RAD50: variants seen among roughly 807,000 people sequenced by gnomAD.
RAD50 encodes RAD50 double strand break repair protein.
Under a neutral mutation model 168.8 loss-of-function variants are expected in RAD50, and 132 were observed. That is an observed-to-expected ratio of 0.78 (90% CI 0.68 to 0.90). The LOEUF is 0.90. Ranked by LOEUF, RAD50 falls within the 40% of genes least tolerant of loss-of-function variation. The probability of loss-of-function intolerance (pLI) is 0.00; values close to 1 mark genes in which losing one functional copy is unlikely to be tolerated. For missense variants in RAD50, 1,347 were observed against 1,534.4 expected, an observed-to-expected ratio of 0.88 and a Z score of 2.04; for synonymous variants, 525 against 497.4, an observed-to-expected ratio of 1.06 and a Z score of -0.74.
chr5:132,623,372 C>T (rs771627089), intron 21 of RAD50, among the ~76,000 whole-genome samples: 32 of 152,168 alleles, frequency 2.1e-4, no homozygotes, highest in South Asian at 8.3e-4. Flanking sequence ...ATGCCAGCTA[C>T]TCAGGAGGCT....
chr5:132,574,010 T>C (rs1276806895), intron 2 of RAD50, among the ~76,000 whole-genome samples: 1 of 152,334 alleles, frequency 6.6e-6, no homozygotes. Flanking sequence ...CTGCAGTTTT[T>C]CCAGGTGCAC....
intron 11 of RAD50, among the ~76,000 whole-genome samples, chr5:132,594,654 C>A (rs1750756737): frequency 6.6e-6 from 1 of 152,138 alleles, no homozygotes; most frequent in Non-Finnish European, 1.5e-5. Flanking sequence ...TTTCTGGGAG[C>A]AGGCCCATGA....
At chr5:132,589,555 A>C in intron 8 of RAD50, 76 bp from the exon 9 acceptor site, 2 of 1,164,816 alleles carry the variant, frequency 1.7e-6, no homozygotes, top group Non-Finnish European at 2.4e-6. Context: ...TTCAGTGTAC[A>C]TATATTCCTT....
chr5:132,631,963 A>G (rs1316746982), intron 21 of RAD50, among the ~76,000 whole-genome samples: 1 of 151,634 alleles, frequency 6.6e-6, no homozygotes, highest in Admixed American at 6.6e-5. Context: ...CGTCCTTCCT[A>G]CCCCCACCTC....
chr5:132,564,035 A>G (rs753247989), intron 2 of RAD50, among the ~76,000 whole-genome samples: 2 of 152,192 alleles, frequency 1.3e-5, no homozygotes, highest in African/African-American at 2.4e-5. Context: ...CCGTGAGCCA[A>G]TTAAACCTCT....
At chr5:132,560,796 C>T (rs901643944) in intron 2 of RAD50, among the ~76,000 whole-genome samples, 6 of 152,170 alleles carry the variant, frequency 3.9e-5, no homozygotes, top group African/African-American at 1.4e-4. Context: ...TATAAACATG[C>T]TCTGGTATCT....
chr5:132,633,581 T>G (rs1206371878), intron 21 of RAD50, among the ~76,000 whole-genome samples: 3 of 148,088 alleles, frequency 2.0e-5, no homozygotes, highest in African/African-American at 7.8e-5. Flanking sequence ...TTGTTTTTTG[T>G]TTTTTGTTTT....
chr5:132,619,909 TC>T (rs1227700133), intron 21 of RAD50, among the ~76,000 whole-genome samples: 1 of 137,640 alleles, frequency 7.3e-6, no homozygotes, highest in African/African-American at 3.0e-5. Context: ...GAGAGATATA[TC>T]TTTTTTTTTT....
intron 14 of RAD50, 132 bp downstream of exon 14, chr5:132,603,621 A>G (rs1750928062): frequency 9.4e-7 from 1 of 1,063,144 alleles, no homozygotes; most frequent in Non-Finnish European, 1.4e-6. Context: ...TGAATTTCAG[A>G]TACCCTCAGG....
At chr5:132,598,981 C>T (rs941964951) in intron 13 of RAD50, among the ~76,000 whole-genome samples, 1 of 152,132 alleles carries the variant, frequency 6.6e-6, no homozygotes, top group East Asian at 1.9e-4. Flanking sequence ...CCTATATCTG[C>T]AGTAGCATCT....
intron 2 of RAD50, among the ~76,000 whole-genome samples, chr5:132,574,915 T>C (rs1206306899): frequency 6.6e-6 from 1 of 152,200 alleles, no homozygotes; most frequent in Admixed American, 6.5e-5. Context: ...CTGGATTTCA[T>C]TGTCCATATC....
chr5:132,608,259 C>T (rs1267758433), intron 16 of RAD50, among the ~76,000 whole-genome samples: 4 of 152,114 alleles, frequency 2.6e-5, no homozygotes, highest in Non-Finnish European at 4.4e-5. Context: ...TGAAGCCACA[C>T]GCTAATATAA....
chr5:132,619,657 A>G (rs1314236959), intron 21 of RAD50, among the ~76,000 whole-genome samples: 1 of 151,796 alleles, frequency 6.6e-6, no homozygotes, highest in Non-Finnish European at 1.5e-5. Flanking sequence ...TGTCTTTTCA[A>G]ACATTATGCT....
At chr5:132,637,263 T>C (rs976380680) in intron 22 of RAD50, 63 bp downstream of exon 22, 2 of 1,567,928 alleles carry the variant, frequency 1.3e-6, no homozygotes, top group Non-Finnish European at 1.7e-6. Flanking sequence ...CTTCCCCTTA[T>C]GACCTCTCAT....
At chr5:132,559,957 G>C (rs1750094127) in intron 2 of RAD50, among the ~76,000 whole-genome samples, 1 of 151,874 alleles carries the variant, frequency 6.6e-6, no homozygotes, top group South Asian at 2.1e-4. Context: ...ATGAATCATT[G>C]TTTGAATTAT....
intron 19 of RAD50, among the ~76,000 whole-genome samples, chr5:132,612,399 A>C (rs936006637): frequency 5.3e-5 from 8 of 152,218 alleles, no homozygotes; most frequent in African/African-American, 1.7e-4. Flanking sequence ...TGGGATGATC[A>C]AATGCTCTGG....
In RAD50 at chr5:132,638,155, T is replaced by G; in HGVS notation, c.3550T>G (p.Tyr1184Asp). Residue 1184 changes from tyrosine (Y) to aspartate (D), a missense_variant, in exon 23 of 25, where the codon TAC (tyrosine) becomes GAC (aspartate). Physicochemically the swap from Tyr to Asp is radical, Grantham distance 160 (BLOSUM62 -3). Transcript: ENST00000378823. Reference protein sequence around the residue: ...SASDKRRNYNYRVVMLKGDTA... With the variant: ...SASDKRRNYNDRVVMLKGDTA... ...TTCTGATAAAAGGCGGAATTATAAC[T>G]ACCGAGTGGTGATGCTGAAGGGAGA... is the stretch of plus-strand genomic sequence containing the variant. 1 of 1,614,162 alleles carries G rather than the reference T, an allele frequency of 6.2e-7. No individual in the cohort carries two copies. Among genetic ancestry groups the G allele is most frequent in the Admixed American group, 1.7e-5 (1 of 60,026 alleles).
intron 20 of RAD50, among the ~76,000 whole-genome samples, chr5:132,616,553 T>C (rs1751181357): frequency 6.6e-6 from 1 of 152,236 alleles, no homozygotes; most frequent in South Asian, 2.1e-4. Flanking sequence ...TTTGTAATTA[T>C]GTGTCCACCA....
intron 2 of RAD50, among the ~76,000 whole-genome samples, chr5:132,574,769 C>G (rs2149835988): frequency 6.6e-6 from 1 of 152,308 alleles, no homozygotes; most frequent in South Asian, 2.1e-4. Context: ...CCTAAATCAT[C>G]TCTCTCAAGT....
Sources: gnomAD v4.1 joint callset for allele counts (sites outside exome capture counted in the v4.1 genomes callset) on GRCh38, gnomAD v4.1.1 for gene constraint, MANE v1.5 for transcripts, NCBI Gene and HGNC (gene_info 2026-07-23, HGNC 2026-07-21) for gene names.